Variants in CCDC7 observed in about 807,000 individuals in gnomAD.
The protein encoded by CCDC7 is coiled-coil domain containing 7.
A neutral mutation model predicts 196.9 loss-of-function variants in CCDC7; 183 were observed. The observed-to-expected ratio is 0.93, with a 90% CI of 0.82 to 1.05. The LOEUF is 1.05. Ranked by LOEUF, CCDC7 falls within the 50% of genes least tolerant of loss-of-function variation. The pLI is 0.00. For missense variants in CCDC7, 1,540 were observed against 1,482.2 expected, an observed-to-expected ratio of 1.04 and a Z score of -0.64; for synonymous variants, 525 against 484.6, an observed-to-expected ratio of 1.08 and a Z score of -1.10.
chr10:32,798,408 T>C (rs2084065747), intron 29 of CCDC7, among the ~76,000 whole-genome samples: 1 of 152,164 alleles, frequency 6.6e-6, no homozygotes, highest in African/African-American at 2.4e-5. Context: ...CATGGGCCCA[T>C]TGGGCAATGA....
intron 29 of CCDC7, among the ~76,000 whole-genome samples, chr10:32,800,482 A>T (rs2084554716): frequency 1.3e-5 from 2 of 152,162 alleles, no homozygotes; most frequent in African/African-American, 4.8e-5. Flanking sequence ...CTAAAACTCC[A>T]TTAATTACCT....
chr10:32,473,302 A>T (rs573737165), intron 7 of CCDC7, among the ~76,000 whole-genome samples: 1 of 152,200 alleles, frequency 6.6e-6, no homozygotes, highest in Non-Finnish European at 1.5e-5. Flanking sequence ...GAAGGGAAAT[A>T]TTTGGTATTT....
At chr10:32,740,816 C>T (rs1282504017) in intron 28 of CCDC7, among the ~76,000 whole-genome samples, 1 of 151,996 alleles carries the variant, frequency 6.6e-6, no homozygotes, top group Non-Finnish European at 1.5e-5. Flanking sequence ...CTTATTTTTA[C>T]TTCTCTCACA....
chr10:32,868,999 T>C (rs1413457880), intron 41 of CCDC7, among the ~76,000 whole-genome samples: 1 of 152,206 alleles, frequency 6.6e-6, no homozygotes, highest in African/African-American at 2.4e-5. Context: ...TCAAAGTCTT[T>C]GCTATTGTGA....
At chr10:32,680,503 C>T (rs1014191495) in intron 21 of CCDC7, among the ~76,000 whole-genome samples, 4 of 151,930 alleles carry the variant, frequency 2.6e-5, no homozygotes, top group Admixed American at 1.3e-4. Context: ...CATAGCTGTA[C>T]ATGTGCCATG....
At chr10:32,687,238 A>C (rs146944079) in intron 22 of CCDC7, among the ~76,000 whole-genome samples, 2 of 152,348 alleles carry the variant, frequency 1.3e-5, no homozygotes, top group East Asian at 3.9e-4. Context: ...CTTTGGATTC[A>C]TGATCATGAA....
intron 29 of CCDC7, among the ~76,000 whole-genome samples, chr10:32,792,680 A>C (rs1234882427): frequency 6.6e-6 from 1 of 152,136 alleles, no homozygotes; most frequent in Admixed American, 6.5e-5. Context: ...ATACGCTTGT[A>C]ACTCAGCTGC....
intron 9 of CCDC7, among the ~76,000 whole-genome samples, chr10:32,503,170 A>T (rs1282836403): frequency 6.6e-6 from 1 of 152,006 alleles, no homozygotes; most frequent in African/African-American, 2.4e-5. Flanking sequence ...CCTGGCTTGG[A>T]CTTCTAGTAC....
At chr10:32,445,222 GTGT>G (rs1389388408), upstream of CCDC7, among the ~76,000 whole-genome samples, 8 of 152,208 alleles carry the variant, frequency 5.3e-5, no homozygotes, top group Non-Finnish European at 1.0e-4. Flanking sequence ...ACCAGAAGAT[GTGT>G]TGTTTTCCCT....
chr10:32,461,466 G>C (rs1235824340), intron 3 of CCDC7, among the ~76,000 whole-genome samples: 6 of 151,924 alleles, frequency 3.9e-5, no homozygotes, highest in African/African-American at 1.5e-4. Flanking sequence ...TGTATATTTA[G>C]TCAGTTTCTC....
At chr10:32,551,144 A>C (rs1160785538) in intron 13 of CCDC7, among the ~76,000 whole-genome samples, 4 of 152,074 alleles carry the variant, frequency 2.6e-5, no homozygotes, top group Non-Finnish European at 4.4e-5. Flanking sequence ...GTATTTTTCC[A>C]GGAATGTATC....
At chr10:32,696,159 C>T (rs974261233) in intron 24 of CCDC7, among the ~76,000 whole-genome samples, 2 of 152,184 alleles carry the variant, frequency 1.3e-5, no homozygotes, top group East Asian at 3.9e-4. Flanking sequence ...CAGGGGTAGA[C>T]ATAGACAATA....
At chr10:32,535,607 T>A (rs2050346870) in intron 11 of CCDC7, among the ~76,000 whole-genome samples, 1 of 151,808 alleles carries the variant, frequency 6.6e-6, no homozygotes, top group African/African-American at 2.4e-5. Context: ...TAGAAAGGAG[T>A]GTCTAGGTAA....
chr10:32,529,904 G>A (rs2049351575), intron 11 of CCDC7, among the ~76,000 whole-genome samples: 1 of 152,120 alleles, frequency 6.6e-6, no homozygotes, highest in African/African-American at 2.4e-5. Context: ...ACGGTTTCAG[G>A]CCTTAGATTT....
chr10:32,712,757 T>C (rs188464933), intron 25 of CCDC7, among the ~76,000 whole-genome samples: 2 of 152,340 alleles, frequency 1.3e-5, no homozygotes, highest in East Asian at 3.9e-4. Context: ...AGTTCCTTCA[T>C]CCTGGACAAC....
intron 41 of CCDC7, among the ~76,000 whole-genome samples, chr10:32,864,771 A>G (rs1381144823): frequency 6.6e-6 from 1 of 151,932 alleles, no homozygotes; most frequent in African/African-American, 2.4e-5. Context: ...CTTAAAACTT[A>G]AAAGAAAAAC....
intron 21 of CCDC7, among the ~76,000 whole-genome samples, chr10:32,670,335 C>G (rs921475317): frequency 1.6e-4 from 24 of 151,720 alleles, no homozygotes; most frequent in African/African-American, 5.8e-4. Flanking sequence ...TATAGAAAAC[C>G]ATTCTAAGTT....
At chr10:32,459,181 TTGG>T (rs1226221913) in intron 3 of CCDC7, among the ~76,000 whole-genome samples, 1 of 152,192 alleles carries the variant, frequency 6.6e-6, no homozygotes, top group African/African-American at 2.4e-5. Flanking sequence ...TAAGAAGTTT[TTGG>T]GTGGAGTCTT....
rs192661631 is a variant in CCDC7, at chr10:32,627,718, A to G, written c.1802-6536A>G. 8.7e-4 allele frequency among the ~76,000 whole-genome samples: 132 copies of G among 151,940 alleles called. 1 individual carries two copies. Among genetic ancestry groups the G allele is most frequent in the African/African-American group, 2.9e-3 (121 of 41,504 alleles). ...ATTTGGTGAGAGTTTTTTTTTAATC[A>G]TGAAAGTATGTTGAATTTTGTCAAA... On this transcript the variant is annotated intron_variant, in intron 18 of 41. Coordinates refer to ENST00000639629, the Ensembl canonical transcript of CCDC7.
Sources: gnomAD v4.1 joint callset for allele counts (sites outside exome capture counted in the v4.1 genomes callset) on GRCh38, gnomAD v4.1.1 for gene constraint, MANE v1.5 for transcripts, NCBI Gene and HGNC (gene_info 2026-07-23, HGNC 2026-07-21) for gene names.